Variants in LRRC34 observed in about 807,000 individuals in gnomAD.
LRRC34 encodes leucine rich repeat containing 34, also known as leucine-rich repeat-containing protein 34.
In LRRC34, 44 loss-of-function variants were observed where a neutral mutation model predicts 48.5. The observed-to-expected ratio is 0.91, with a 90% CI of 0.71 to 1.17. The LOEUF (loss-of-function observed/expected upper bound fraction) is 1.17, where lower values mean the gene tolerates loss of function less well. LRRC34 is among the 50% of genes most tolerant of loss of function. LRRC34 has a pLI of 0.00. For missense variants in LRRC34, 502 were observed against 563.0 expected (o/e 0.89, Z 1.10); for synonymous variants, 192 against 197.6 (o/e 0.97, Z 0.24).
chr3:169,810,795 T>A (rs1779534750), intron 1 of LRRC34, among the ~76,000 whole-genome samples: 2 of 152,248 alleles, frequency 1.3e-5, no homozygotes, highest in Non-Finnish European at 1.5e-5. Flanking sequence ...CCGGGTGCGG[T>A]GGCTTACGCC....
At chr3:169,799,777 A>G (rs1169400614) in intron 7 of LRRC34, among the ~76,000 whole-genome samples, 1 of 152,138 alleles carries the variant, frequency 6.6e-6, no homozygotes, top group Non-Finnish European at 1.5e-5. Context: ...CAGTGGTGCA[A>G]TCTCGGCTCA....
chr3:169,804,465 T>C (rs1779305477), intron 5 of LRRC34, among the ~76,000 whole-genome samples: 1 of 152,082 alleles, frequency 6.6e-6, no homozygotes, highest in African/African-American at 2.4e-5. Context: ...CTGGCTAATT[T>C]TTTTCTGTAT....
In LRRC34 at chr3:169,812,455, A is replaced by T. The variant is rs1228720057; in HGVS notation, c.94T>A (p.Ser32Thr). The change falls in exon 1 of 11, where the codon TCC becomes ACC. Residue 32 changes from serine to threonine, a missense_variant. Transcript: ENST00000446859. This position sits in a 1 kb window ranked among gnomAD's most constrained non-coding sequence, Gnocchi z 4.3. ...RAPARSPAWA[S>T]TQASTPGAAL... ...GCGCCCGGAGTACTGGCCTGAGTGG[A>T]GGCCCAAGCCGGGGACCTGGCCGGC... 3.9e-6 allele frequency: 6 copies of T among 1,531,326 alleles called. No homozygotes were observed. In the Admixed American group the frequency reaches 1.2e-4, roughly 30 times the overall value. The allele number at this position is 1,531,326 out of a possible 1,614,324, so 94.9% of individuals were successfully genotyped here. A position where few individuals can be genotyped will look rare whatever the true frequency, so the allele number is the denominator to read the frequency against.
chr3:169,797,012 A>G, intron 7 of LRRC34, 113 bp from the exon 8 acceptor site: 1 of 769,776 alleles, frequency 1.3e-6, no homozygotes, highest in Non-Finnish European at 1.9e-6. Context: ...ATTGGTTAAA[A>G]CTGTTAGTCC....
At position 169,804,079 on chromosome 3, in the gene LRRC34, T is replaced by C. The variant is rs781662061; in HGVS notation, c.631A>G (p.Lys211Glu). 4.8e-5 allele frequency: 76 copies of C among 1,592,366 alleles called. No individual in the cohort carries two copies. The highest frequency in any genetic ancestry group is 1.7e-4 in the Middle Eastern group (1 of 5,988). The stretch of plus-strand genomic sequence containing the variant: ...AGATCACAGTCACCCAGATCTAATT[T>C]CTCTAATGATGAATTAATTTGCAGC... ...AMLQINSSLE[K>E]LDLGDCDLGM... Residue 211 changes from lysine (K) to glutamate (E), a missense_variant, in exon 6 of 11, where the codon AAA (lysine) becomes GAA (glutamate). Lys to Glu is a moderately conservative substitution (Grantham distance 56, BLOSUM62 1). Coordinates refer to ENST00000446859, the MANE Select transcript of LRRC34 (RefSeq NM_001172779.2).
chr3:169,812,495 C>T lies in LRRC34; in HGVS notation c.54G>A (p.Arg18=). ...PVGERSMGSS[R]EAARAPARSP... ...ACCTGGCCGGCGCACGGGCGGCCTC[C>T]CGGGAGCTCCCCATGCTCCTCTCAC... The change falls in exon 1 of 11, where the codon CGG becomes CGA. Residue 18 remains arginine (R), a synonymous_variant. Coordinates refer to ENST00000446859, the MANE Select transcript of LRRC34 (RefSeq NM_001172779.2). The surrounding 1 kb of genome is among the most constrained non-coding windows in gnomAD (Gnocchi z 4.3). 1 of 1,527,872 alleles carries T rather than the reference C, an allele frequency of 6.5e-7. No homozygotes were observed. Among genetic ancestry groups the T allele is most frequent in the Non-Finnish European group, 8.7e-7 (1 of 1,143,662 alleles). 94.6% of individuals were successfully genotyped at this position (1,527,872 alleles called of 1,614,324 possible). A position where few individuals can be genotyped will look rare whatever the true frequency, so the allele number is the denominator to read the frequency against.
chr3:169,796,452 GTACT>G, intron 8 of LRRC34, 83 bp from the exon 9 acceptor site: 1 of 1,427,492 alleles, frequency 7.0e-7, no homozygotes. Flanking sequence ...AACTTAAACA[GTACT>G]TTCTGTTTTA....
chr3:169,807,648 C>T lies in LRRC34; in HGVS notation c.319G>A (p.Val107Ile). The change falls in exon 3 of 11, where the codon GTT (valine) becomes ATT (isoleucine). Residue 107 changes from valine to isoleucine, a missense_variant. By Grantham distance (29) the Val-to-Ile change is conservative. Coordinates refer to ENST00000446859, the MANE Select transcript of LRRC34 (RefSeq NM_001172779.2). The stretch of plus-strand genomic sequence containing the variant: ...AGAATCCAAAAATCTTCACCTGTAA[C>T]TCTTTCTACTGGCACTAAGCGATTG... The part of the protein sequence containing the change: ...GNNRLVPVER[V>I]TGEDFWILSK... The T allele has an allele frequency of 6.3e-7, 1 of 1,596,954 alleles. No individual in the cohort carries two copies. Among genetic ancestry groups the T allele is most frequent in the South Asian group, 1.1e-5 (1 of 90,494 alleles).
At chr3:169,811,677 C>T (rs1379688221) in intron 1 of LRRC34, among the ~76,000 whole-genome samples, 3 of 152,210 alleles carry the variant, frequency 2.0e-5, no homozygotes, top group Admixed American at 2.0e-4. Flanking sequence ...CTTTTCTATA[C>T]TTAGCCAAGC....
At chr3:169,801,960 C>T (rs187921484) in intron 6 of LRRC34, among the ~76,000 whole-genome samples, 12 of 151,950 alleles carry the variant, frequency 7.9e-5, no homozygotes, top group African/African-American at 1.7e-4. Context: ...CAACACCATG[C>T]GTGGCTAAAT....
chr3:169,806,574 A>C (rs1048109736), intron 5 of LRRC34, among the ~76,000 whole-genome samples: 1 of 151,708 alleles, frequency 6.6e-6, no homozygotes, highest in Admixed American at 6.6e-5. Flanking sequence ...GATAGTAGTG[A>C]TACTTGCACA....
chr3:169,795,599 G>A lies in LRRC34; in HGVS notation c.1077C>T (p.Val359=). The stretch of plus-strand genomic sequence containing the variant: ...GTCCTTCTCCCTCTATGTTGTTGCT[G>A]ACTACTGACAACCTGAAACCAATAA... ...HNRSLKALSV[V]SNNIEGEGLV... Residue 359 remains valine, a synonymous_variant, in exon 10 of 11, where the codon GTC becomes GTT. Transcript: ENST00000446859. 6.2e-7 allele frequency: 1 copy of A among 1,611,060 alleles called. No individual in the cohort carries two copies. Among genetic ancestry groups the A allele is most frequent in the Non-Finnish European group, 8.5e-7 (1 of 1,178,084 alleles).
intron 7 of LRRC34, among the ~76,000 whole-genome samples, chr3:169,797,958 A>T (rs990453551): frequency 6.6e-6 from 1 of 152,248 alleles, no homozygotes; most frequent in Non-Finnish European, 1.5e-5. Flanking sequence ...AGCAGCCTAC[A>T]AAGCATTTAT....
intron 1 of LRRC34, among the ~76,000 whole-genome samples, chr3:169,810,825 G>A (rs113590882): frequency 0.014 from 2,187 of 152,358 alleles, 20 homozygotes; most frequent in Middle Eastern, 0.027. Flanking sequence ...AGCACTTTGG[G>A]AGGCCGAGGC....
intron 4 of LRRC34, among the ~76,000 whole-genome samples, chr3:169,807,189 A>T (rs1354737608): frequency 6.6e-6 from 1 of 152,218 alleles, no homozygotes. Context: ...TCAATCTGAA[A>T]GATGTGTGGT....
chr3:169,807,719 T>TAG lies in LRRC34; in HGVS notation c.258-11_258-10insCT. The TAG allele has an allele frequency of 1.5e-6, 1 of 650,640 alleles. No homozygotes were observed. Among genetic ancestry groups the TAG allele is most frequent in the Non-Finnish European group, 1.9e-6 (1 of 531,264 alleles). 40.3% of individuals were successfully genotyped at this position (650,640 alleles called of 1,614,324 possible). The stretch of plus-strand genomic sequence containing the variant: ...GATTCCTGCTGCTAGCCTGTTAAAA[T>TAG]ACAAAAAAAAAAAAAAAAAAAAAAG... On this transcript the variant is annotated splice_polypyrimidine_tract_variant and intron_variant, in intron 2 of 10. Transcript: ENST00000446859.
intron 5 of LRRC34, among the ~76,000 whole-genome samples, chr3:169,806,058 G>A (rs1456803135): frequency 6.6e-6 from 1 of 152,152 alleles, no homozygotes; most frequent in East Asian, 1.9e-4. Flanking sequence ...AATCAAGATA[G>A]TGTGGTACTG....
At chr3:169,805,577 T>C (rs1292261162) in intron 5 of LRRC34, among the ~76,000 whole-genome samples, 1 of 152,184 alleles carries the variant, frequency 6.6e-6, no homozygotes, top group Non-Finnish European at 1.5e-5. Flanking sequence ...AGATTTACTG[T>C]AATTCCTATT....
rs903582350 is a variant in LRRC34, at chr3:169,812,485, G to A, written c.64C>T (p.Arg22Cys). Residue 22 changes from arginine (R) to cysteine (C), a missense_variant, in exon 1 of 11, where the codon CGT becomes TGT. By Grantham distance (180) the Arg-to-Cys change is radical. Coordinates refer to ENST00000446859, the MANE Select transcript of LRRC34 (RefSeq NM_001172779.2). The surrounding 1 kb of genome is among the most constrained non-coding windows in gnomAD (Gnocchi z 4.3). The part of the protein sequence containing the change: ...RSMGSSREAA[R>C]APARSPAWAS... Reference sequence around the variant, plus strand: ...CAAGCCGGGGACCTGGCCGGCGCACGGGCGGCCTCCCGGGAGCTCCCCATG... The same window carrying A: ...CAAGCCGGGGACCTGGCCGGCGCACAGGCGGCCTCCCGGGAGCTCCCCATG... The A allele has an allele frequency of 6.5e-7, 1 of 1,528,310 alleles. No homozygotes were observed. The highest frequency in any genetic ancestry group is 2.5e-5 in the East Asian group (1 of 39,758). 94.7% of individuals were successfully genotyped at this position (1,528,310 alleles called of 1,614,324 possible). A position where few individuals can be genotyped will look rare whatever the true frequency, so the allele number is the denominator to read the frequency against.
Sources: gnomAD v4.1 joint callset for allele counts (sites outside exome capture counted in the v4.1 genomes callset) on GRCh38, gnomAD v4.1.1 for gene constraint, Gnocchi (gnomAD v3.1) non-coding constraint, MANE v1.5 for transcripts, NCBI Gene and HGNC (gene_info 2026-07-23, HGNC 2026-07-21) for gene names.